NAB1: variants seen among roughly 807,000 people sequenced by gnomAD.
NAB1 encodes the protein NGFI-A binding protein 1.
Under a neutral mutation model 49.9 loss-of-function variants are expected in NAB1, and 25 were observed. The observed-to-expected ratio is 0.50, with a 90% CI of 0.37 to 0.70. The LOEUF is 0.70. NAB1 is among the 30% of genes least tolerant of loss of function. The pLI, the probability that NAB1 is intolerant of heterozygous loss-of-function variation, is 0.00. For missense variants in NAB1, 489 were observed against 575.9 expected, an observed-to-expected ratio of 0.85 and a Z score of 1.54; for synonymous variants, 198 against 215.6, an observed-to-expected ratio of 0.92 and a Z score of 0.71.
At chr2:190,687,361 G>A (rs1219578609) in intron 9 of NAB1, 44 bp downstream of exon 9, 10 of 599,316 alleles carry the variant, frequency 1.7e-5, no homozygotes, top group Non-Finnish European at 2.6e-5. Flanking sequence ...TTGAATAAAA[G>A]CATCTTTAAA....
At chr2:190,688,086 A>G (rs1187388155) in intron 9 of NAB1, among the ~76,000 whole-genome samples, 4 of 152,260 alleles carry the variant, frequency 2.6e-5, no homozygotes, top group South Asian at 2.1e-4. Context: ...ATTAGAGACC[A>G]GCACAATTTG....
intron 5 of NAB1, among the ~76,000 whole-genome samples, chr2:190,672,835 C>T (rs1319910567): frequency 6.6e-6 from 1 of 151,968 alleles, no homozygotes; most frequent in African/African-American, 2.4e-5. Flanking sequence ...TATTGAGTGG[C>T]TTTCATACCA....
chr2:190,654,425 A>G lies in NAB1; in HGVS notation c.-196-1552A>G, dbSNP rs375389514. On this transcript the variant is annotated intron_variant, in intron 2 of 9. Transcript: ENST00000337386. The surrounding 1 kb of genome is among the most constrained non-coding windows in gnomAD (Gnocchi z 5.6). ...AAGTGTTGCGGGGTTCAGAGAAGGG[A>G]GATGACAGCTGCAGCCAGGGGTAGT... is the stretch of plus-strand genomic sequence containing the variant. Among the ~76,000 whole-genome samples the G allele has an allele frequency of 3.0e-4, 45 of 152,280 alleles. No homozygotes were observed. Among genetic ancestry groups the G allele is most frequent in the African/African-American group, 1.1e-3 (44 of 41,550 alleles).
intron 7 of NAB1, 76 bp downstream of exon 7, chr2:190,683,903 C>T: frequency 8.6e-7 from 1 of 1,160,448 alleles, no homozygotes; most frequent in Non-Finnish European, 1.3e-6. Flanking sequence ...CAACTAGCTT[C>T]AGTTTTAAGT....
In NAB1 at chr2:190,686,604, T is replaced by C. The variant is rs1212975789; in HGVS notation, c.1259-597T>C. 6.6e-6 allele frequency among the ~76,000 whole-genome samples: 1 copy of C among 152,160 alleles called. No individual in the cohort carries two copies. Among genetic ancestry groups the C allele is most frequent in the Non-Finnish European group, 1.5e-5 (1 of 68,020 alleles). The stretch of plus-strand genomic sequence containing the variant: ...AGGTCTTGTTTAACTTCTCCAATTA[T>C]CCTTAACAGTTAAGAAGCAAAGGCA... On this transcript the variant is annotated intron_variant, in intron 8 of 9. Coordinates refer to ENST00000337386, the MANE Select transcript of NAB1 (RefSeq NM_005966.4). The surrounding 1 kb of genome is among the most constrained non-coding windows in gnomAD (Gnocchi z 5.5).
At chr2:190,668,842 A>G (rs1182443841) in intron 4 of NAB1, among the ~76,000 whole-genome samples, 2 of 152,206 alleles carry the variant, frequency 1.3e-5, no homozygotes, top group Non-Finnish European at 2.9e-5. Flanking sequence ...TGAAACTGCA[A>G]ATGGTACCAA....
At position 190,649,499 on chromosome 2, in the gene NAB1, C is replaced by G. The variant is rs528836917; in HGVS notation, c.-334+139C>G. The G allele has an allele frequency of 5.7e-3, 867 of 151,972 alleles. 3 individuals are homozygous for G. Among genetic ancestry groups the G allele is most frequent in the Non-Finnish European group, 7.8e-3 (529 of 67,960 alleles). The allele number at this position is 151,972 out of a possible 1,614,324, so 9.4% of individuals were successfully genotyped here. ...CTTTGGGGGCGGTGTCCGGGGGAAG[C>G]GGGCTCCGCGCGGCCGCCGCCGGAA... On this transcript the variant is annotated intron_variant, in intron 1 of 9. Transcript: ENST00000337386. The surrounding 1 kb of genome is among the most constrained non-coding windows in gnomAD (Gnocchi z 6.1).
Position 190,686,790 on chromosome 2 carries a change from GT to G in NAB1, c.1259-399del, listed in dbSNP as rs749660109. 7.7e-3 allele frequency among the ~76,000 whole-genome samples: 1,116 copies of G among 145,022 alleles called. 15 individuals carry two copies. Among genetic ancestry groups the G allele is most frequent in the East Asian group, 0.075 (374 of 5,002 alleles). On this transcript the variant is annotated intron_variant, in intron 8 of 9. Transcript: ENST00000337386. The surrounding 1 kb of genome is among the most constrained non-coding windows in gnomAD (Gnocchi z 5.5). Reference sequence around the variant, plus strand: ...CTGTTTTTTCACGGATTTTGCTGTAGTTTTTTTTTTTTAATCTTTAATTGGC... The same window carrying G: ...CTGTTTTTTCACGGATTTTGCTGTAGTTTTTTTTTTTAATCTTTAATTGGC...
intron 9 of NAB1, among the ~76,000 whole-genome samples, chr2:190,690,031 A>ATACATATATGTATAGTATACATATATG: frequency 6.7e-6 from 1 of 149,970 alleles, no homozygotes; most frequent in Non-Finnish European, 1.5e-5. Context: ...TATGTATACT[A>ATACATATATGTATAGTATACATATATG]TATGTATACA....
Position 190,686,196 on chromosome 2 carries a change from C to T in NAB1, c.1258+558C>T, listed in dbSNP as rs1027250791. 6.6e-6 allele frequency among the ~76,000 whole-genome samples: 1 copy of T among 152,174 alleles called. No homozygotes were observed. The highest frequency in any genetic ancestry group is 2.1e-4 in the South Asian group (1 of 4,826). ...AAGTCATTGTTATTCACCCAACCAACAGGCATTTTATTTTTTTAGCAATTC... is the reference window on the plus strand; with the variant it reads ...AAGTCATTGTTATTCACCCAACCAATAGGCATTTTATTTTTTTAGCAATTC... On this transcript the variant is annotated intron_variant, in intron 8 of 9. Coordinates refer to ENST00000337386, the MANE Select transcript of NAB1 (RefSeq NM_005966.4). The surrounding 1 kb of genome is among the most constrained non-coding windows in gnomAD (Gnocchi z 5.5).
At position 190,683,835 on chromosome 2, in the gene NAB1, A is replaced by C; in HGVS notation, c.1095+8A>C. 1 of 1,600,500 alleles carries C rather than the reference A, an allele frequency of 6.2e-7. No homozygotes were observed. ...GCAGCTCTTAGTTCACAGGTAACAT[A>C]AACTCCCAGTTATTACTCCATGATA... On this transcript the variant is annotated splice_region_variant and intron_variant, in intron 7 of 9. Transcript: ENST00000337386.
chr2:190,665,773 C>G (rs1254620871), intron 4 of NAB1, among the ~76,000 whole-genome samples: 1 of 152,178 alleles, frequency 6.6e-6, no homozygotes, highest in Non-Finnish European at 1.5e-5. Context: ...AGAGTATCTT[C>G]TGTTCTCTCC....
intron 6 of NAB1, among the ~76,000 whole-genome samples, chr2:190,673,743 C>G (rs1430409143): frequency 6.6e-6 from 1 of 152,122 alleles, no homozygotes; most frequent in Non-Finnish European, 1.5e-5. Context: ...GTAACTAAAG[C>G]CTCTTTTAGA....
Position 190,690,333 on chromosome 2 carries a change from G to C in NAB1, c.1464G>C (p.Ter488TyrextTer2), listed in dbSNP as rs1317809173. 5.6e-6 allele frequency: 9 copies of C among 1,603,146 alleles called. No individual in the cohort carries two copies. The highest frequency in any genetic ancestry group is 6.8e-6 in the Non-Finnish European group (8 of 1,171,282). The change falls in exon 10 of 10, where the codon TAG becomes TAC. Residue 488 changes from the stop codon to tyrosine, a stop_lost. Transcript: ENST00000337386. ...VIKTEPEDSR[*>Y] Reference sequence around the variant, plus strand: ...AAACAGAGCCTGAAGATTCAAGATAGCTGTGATTTCTCTCACCGTTCTCTG... The same window carrying C: ...AAACAGAGCCTGAAGATTCAAGATACCTGTGATTTCTCTCACCGTTCTCTG...
chr2:190,653,119 T>A (rs931000413), intron 2 of NAB1, among the ~76,000 whole-genome samples: 1 of 152,216 alleles, frequency 6.6e-6, no homozygotes, highest in Non-Finnish European at 1.5e-5. Context: ...TCTTGTTTGT[T>A]ATAAACCTTT....
chr2:190,687,326 G>T lies in NAB1; in HGVS notation c.1375+9G>T. ...AAAGTCCCACTCATCAGGTGAGAAC[G>T]TGCTATATGATGAGAGGGTAACACT... is the stretch of plus-strand genomic sequence containing the variant. On this transcript the variant is annotated intron_variant, in intron 9 of 9. Transcript: ENST00000337386. The T allele has an allele frequency of 6.8e-7, 1 of 1,461,220 alleles. No individual in the cohort carries two copies. Among genetic ancestry groups the T allele is most frequent in the South Asian group, 1.3e-5 (1 of 79,726 alleles). The allele number at this position is 1,461,220 out of a possible 1,614,324, so 90.5% of individuals were successfully genotyped here.
rs1239733787 is a variant in NAB1, at chr2:190,682,395, C to CA, written c.1006-1342dup. Among the ~76,000 whole-genome samples, 1 of 152,160 alleles carries CA rather than the reference C, an allele frequency of 6.6e-6. No individual in the cohort carries two copies. Among genetic ancestry groups the CA allele is most frequent in the African/African-American group, 2.4e-5 (1 of 41,444 alleles). On this transcript the variant is annotated intron_variant, in intron 6 of 9. Transcript: ENST00000337386. The surrounding 1 kb of genome is among the most constrained non-coding windows in gnomAD (Gnocchi z 4.1). ...TGGTCACATAGCTAGTGAGTGGTGA[C>CA]AGGCCTTTCGAATTCCAAAGCTCCA...
In NAB1 at chr2:190,659,882, T is replaced by C. The variant is rs1332921706; in HGVS notation, c.706T>C (p.Phe236Leu). Residue 236 changes from phenylalanine (F) to leucine (L), a missense_variant, in exon 4 of 10, where the codon TTT becomes CTT. Around this residue, in one of 4 missense-constraint regions of NAB1, gnomAD observed 204 missense variants for 220.9 expected, o/e 0.92. Coordinates refer to ENST00000337386, the MANE Select transcript of NAB1 (RefSeq NM_005966.4). This position sits in a 1 kb window ranked among gnomAD's most constrained non-coding sequence, Gnocchi z 6.2. ...GTTGGCCAAAATGATTGGTCACATCTTTGAGATGAACGATGATGATCCACA... is the reference window on the plus strand; with the variant it reads ...GTTGGCCAAAATGATTGGTCACATCCTTGAGATGAACGATGATGATCCACA... Reference protein sequence around the residue: ...KKLAKMIGHIFEMNDDDPHKE... With the variant: ...KKLAKMIGHILEMNDDDPHKE... The C allele has an allele frequency of 1.2e-6, 2 of 1,614,214 alleles. No individual in the cohort carries two copies. Among genetic ancestry groups the C allele is most frequent in the South Asian group, 2.2e-5 (2 of 91,090 alleles).
intron 2 of NAB1, among the ~76,000 whole-genome samples, chr2:190,653,133 G>C (rs1048094769): frequency 6.6e-6 from 1 of 152,082 alleles, no homozygotes; most frequent in African/African-American, 2.4e-5. Flanking sequence ...AACCTTTTCT[G>C]TTTCAGCCTC....
Sources: gnomAD v4.1 joint callset for allele counts (sites outside exome capture counted in the v4.1 genomes callset) on GRCh38, gnomAD v4.1.1 for gene constraint, gnomAD v4.1.1 regional missense constraint, Gnocchi (gnomAD v3.1) non-coding constraint, MANE v1.5 for transcripts, NCBI Gene and HGNC (gene_info 2026-07-23, HGNC 2026-07-21) for gene names.